Variants in PKD1 observed in about 807,000 individuals in gnomAD.
PKD1 encodes polycystin-1.
In PKD1, 81 loss-of-function variants were observed where a neutral mutation model predicts 361.7. That is an observed-to-expected ratio of 0.22 (90% CI 0.19 to 0.27). The LOEUF is 0.27. PKD1 is among the 10% of genes least tolerant of loss of function. The probability of loss-of-function intolerance (pLI) is 1.00; values close to 1 mark genes in which losing one functional copy is unlikely to be tolerated. For synonymous variants in PKD1, 3,615 were observed against 2,818.3 expected (o/e 1.28, Z -8.95); for missense variants, 6,399 against 6,118.3 (o/e 1.05, Z -1.53).
intron 30 of PKD1, chr16:2,099,393 G>A: frequency 3.6e-6 from 2 of 553,780 alleles, no homozygotes; most frequent in Non-Finnish European, 3.3e-6. Context: ...TATCTGGCGT[G>A]CTGCTGTGCA....
Position 2,090,660 on chromosome 16 carries a change from G to A in PKD1, c.12138+14C>T, listed in dbSNP as rs374150637. 111 of 1,611,396 alleles carry A rather than the reference G, an allele frequency of 6.9e-5. No individual in the cohort carries two copies. Among genetic ancestry groups the A allele is most frequent in the Non-Finnish European group, 8.9e-5 (105 of 1,179,836 alleles). ...CTGAGCTAAGACGCCCTCCCCGGCC[G>A]CGCAGTCACCTACCAGGATGGCCAG... On this transcript the variant is annotated intron_variant, in intron 44 of 45. Transcript: ENST00000262304.
Position 2,111,762 on chromosome 16 carries a change from G to C in PKD1, c.3405C>G (p.Asp1135Glu), listed in dbSNP as rs746080117. 6.2e-7 allele frequency: 1 copy of C among 1,605,446 alleles called. No individual in the cohort carries two copies. Residue 1135 changes from aspartate to glutamate, a missense_variant, in exon 15 of 46, where the codon GAC becomes GAG. By Grantham distance (45) the Asp-to-Glu change is conservative (BLOSUM62 2). Coordinates refer to ENST00000262304, the MANE Select transcript of PKD1 (RefSeq NM_001009944.3). ...SLPSVAVGVS[D>E]GVLVAGRPVT... ...CGGGCCGGCCGGCCACCAGGACGCC[G>C]TCACTCACACCCACAGCCACGGAGG...
At chr16:2,117,413 T>A in intron 6 of PKD1, 76 bp downstream of exon 6, 1 of 1,164,328 alleles carries the variant, frequency 8.6e-7, no homozygotes, top group Non-Finnish European at 1.2e-6. Flanking sequence ...CTCCTGAGAC[T>A]CCCCAGCCGC....
chr16:2,124,553 G>A (rs1484427368), intron 1 of PKD1, among the ~76,000 whole-genome samples: 4 of 152,194 alleles, frequency 2.6e-5, no homozygotes, highest in African/African-American at 7.2e-5. Context: ...GGCAGCTCCC[G>A]GGGCCCTCCC....
chr16:2,092,888 G>C (rs1349224049), intron 38 of PKD1, 66 bp downstream of exon 38: 2 of 1,582,522 alleles, frequency 1.3e-6, no homozygotes, highest in South Asian at 2.2e-5. Context: ...ATGTCCCCTA[G>C]GGTCTGGCTG....
At chr16:2,094,322 C>A (rs1383518101) in intron 34 of PKD1, 112 bp from the exon 35 acceptor site, 3 of 738,120 alleles carry the variant, frequency 4.1e-6, no homozygotes, top group Non-Finnish European at 2.4e-6. Context: ...CACAGGGTCC[C>A]CCCGACAAAA....
At chr16:2,119,495 C>T in intron 1 of PKD1, 117 bp from the exon 2 acceptor site, 1 of 704,680 alleles carries the variant, frequency 1.4e-6, no homozygotes, top group Non-Finnish European at 2.6e-6. Context: ...CCCTTGAGCT[C>T]CCCACTCCCA....
At position 2,091,784 on chromosome 16, in the gene PKD1, T is replaced by C. The variant is rs765112219; in HGVS notation, c.11534A>G (p.Asn3845Ser). 4.3e-6 allele frequency: 7 copies of C among 1,610,550 alleles called. No individual in the cohort carries two copies. The highest frequency in any genetic ancestry group is 5.9e-6 in the Non-Finnish European group (7 of 1,179,412). Residue 3845 changes from asparagine (N) to serine (S), a missense_variant, in exon 41 of 46, where the codon AAC (asparagine) becomes AGC (serine). Physicochemically the swap from Asn to Ser is conservative, Grantham distance 46. Coordinates refer to ENST00000262304, the MANE Select transcript of PKD1 (RefSeq NM_001009944.3). ...GGGCAGGGGAGGGAGCTCCCACCTG[T>C]TGTCCAGCCAGTTGTGCAGCTGCAG... is the stretch of plus-strand genomic sequence containing the variant. Reference protein sequence around the residue: ...RFLQLHNWLDNRSRAVFLELT... With the variant: ...RFLQLHNWLDSRSRAVFLELT...
chr16:2,135,820 T>G lies in PKD1; in HGVS notation c.-131A>C. 1 of 353,736 alleles carries G rather than the reference T, an allele frequency of 2.8e-6. No individual in the cohort carries two copies. The highest frequency in any genetic ancestry group is 3.9e-6 in the Non-Finnish European group (1 of 254,662). The allele number at this position is 353,736 out of a possible 1,614,324, so 21.9% of individuals were successfully genotyped here. A position where few individuals can be genotyped will look rare whatever the true frequency, so the allele number is the denominator to read the frequency against. ...TGGGGCTGCGGCCGCGACCTGCTGC[T>G]GAGCGACGCCCGCTCGGGGCTCGGG... On this transcript the variant is annotated 5_prime_UTR_variant, in exon 1 of 46. Transcript: ENST00000262304.
chr16:2,116,865 G>A lies in PKD1; in HGVS notation c.1574C>T (p.Pro525Leu), dbSNP rs756501602. ...CTGCAGCTCGCAGACGTAGCTGTGC[G>A]GCGCTGAGCACAGGTCGGTGTTACA... ...GWCNTDLCSA[P>L]HSYVCELQPG... The change falls in exon 7 of 46, where the codon CCG becomes CTG. Residue 525 changes from proline to leucine, a missense_variant. Pro to Leu is a moderately conservative substitution (Grantham distance 98, BLOSUM62 -3). Coordinates refer to ENST00000262304, the MANE Select transcript of PKD1 (RefSeq NM_001009944.3). The A allele has an allele frequency of 7.8e-6, 12 of 1,530,710 alleles. No individual in the cohort carries two copies. Among genetic ancestry groups the A allele is most frequent in the Non-Finnish European group, 1.1e-5 (12 of 1,142,686 alleles). The allele number at this position is 1,530,710 out of a possible 1,614,324, so 94.8% of individuals were successfully genotyped here. A position where few individuals can be genotyped will look rare whatever the true frequency, so the allele number is the denominator to read the frequency against.
intron 1 of PKD1, among the ~76,000 whole-genome samples, chr16:2,132,802 CT>C (rs948530964): frequency 6.6e-6 from 1 of 150,392 alleles, no homozygotes; most frequent in African/African-American, 2.5e-5. Context: ...TGGGTCAGGG[CT>C]GGGCGTGGTG....
In PKD1 at chr16:2,102,285, A is replaced by T. The variant is rs1336370629; in HGVS notation, c.9202-29T>A. 4.8e-6 allele frequency: 7 copies of T among 1,466,520 alleles called. No individual in the cohort carries two copies. In the South Asian group the frequency reaches 8.3e-5, roughly 17 times the overall value. The allele number at this position is 1,466,520 out of a possible 1,614,324, so 90.8% of individuals were successfully genotyped here. A position where few individuals can be genotyped will look rare whatever the true frequency, so the allele number is the denominator to read the frequency against. On this transcript the variant is annotated intron_variant, in intron 25 of 45. Coordinates refer to ENST00000262304, the MANE Select transcript of PKD1 (RefSeq NM_001009944.3). ...TGAGGACACAGCCGCCGGGCCCAGG[A>T]GGTCACGTGCAAGCTGTGCCTTCTC...
At chr16:2,121,738 C>T (rs2092724466) in intron 1 of PKD1, among the ~76,000 whole-genome samples, 1 of 11,936 alleles carries the variant, frequency 8.4e-5, no homozygotes, top group African/African-American at 8.3e-4. Flanking sequence ...CCCAGTAGTG[C>T]TCCTGGCACA....
rs749870473 is a variant in PKD1, at chr16:2,114,535, C to A, written c.2488G>T (p.Ala830Ser). The change falls in exon 11 of 46, where the codon GCC becomes TCC. Residue 830 changes from alanine (A) to serine (S), a missense_variant. Physicochemically the swap from Ala to Ser is moderately conservative, Grantham distance 99. Coordinates refer to ENST00000262304, the MANE Select transcript of PKD1 (RefSeq NM_001009944.3). ...ACGTAGAGGCGGCCGTCGCGGGGGG[C>A]AGGGTAGATGACCCGCAGCCCAGCC... The part of the protein sequence containing the change: ...PVAGLRVIYP[A>S]PRDGRLYVPT... 11 of 1,594,208 alleles carry A rather than the reference C, an allele frequency of 6.9e-6. No individual in the cohort carries two copies. The African/African-American group carries it at 1.1e-4, about 15-fold the overall frequency.
rs372759889 is a variant in PKD1 at position 2,104,559 on chromosome 16, T to C, written c.8100A>G (p.Ala2700=). Residue 2700 remains alanine (A), a synonymous_variant, in exon 22 of 46, where the codon GCA becomes GCG. Transcript: ENST00000262304. ...GCGTCACGGTGCCCGCGGTGGTCTC[T>C]GCCTGCAGGATGAGCATCATGGCCT... The part of the protein sequence containing the change: ...KLEAMMLILQ[A]ETTAGTVTPT... 326 of 1,598,996 alleles carry C rather than the reference T, an allele frequency of 2.0e-4. No individual in the cohort carries two copies. The highest frequency in any genetic ancestry group is 2.6e-4 in the Non-Finnish European group (307 of 1,175,052).
chr16:2,095,053 T>A (rs2091786509), intron 34 of PKD1: 1 of 152,194 alleles, frequency 6.6e-6, no homozygotes, highest in Non-Finnish European at 1.5e-5. Context: ...GGCAGGAGGA[T>A]CACTTGAGCT....
At chr16:2,135,324 G>C (rs1036701013) in intron 1 of PKD1, 151 bp downstream of exon 1, 1 of 1,078,632 alleles carries the variant, frequency 9.3e-7, no homozygotes, top group Non-Finnish European at 1.1e-6. Context: ...GGCTCCAGGC[G>C]TTCCTTATTT....
chr16:2,090,257 C>A (rs767127173), intron 45 of PKD1, 28 bp downstream of exon 45: 5 of 1,608,666 alleles, frequency 3.1e-6, no homozygotes, highest in Non-Finnish European at 4.2e-6. Context: ...AGGGCGTGTC[C>A]CTCTCCCCCC....
Position 2,110,612 on chromosome 16 carries a change from T to C in PKD1, c.4555A>G (p.Ser1519Gly). ...ACCCTAACGGTGAAGTCACCTGTGC[T>C]GTTGTAAGCGTGGGTGACCTCCGGA... ...EGPEVTHAYN[S>G]TGDFTVRVAG... Residue 1519 changes from serine to glycine, a missense_variant, in exon 15 of 46, where the codon AGC becomes GGC. Ser to Gly is a moderately conservative substitution (Grantham distance 56). Coordinates refer to ENST00000262304, the MANE Select transcript of PKD1 (RefSeq NM_001009944.3). The C allele has an allele frequency of 5.0e-6, 8 of 1,610,378 alleles. No individual in the cohort carries two copies. Among genetic ancestry groups the C allele is most frequent in the South Asian group, 1.1e-5 (1 of 90,984 alleles).
Sources: gnomAD v4.1 joint callset for allele counts (sites outside exome capture counted in the v4.1 genomes callset) on GRCh38, gnomAD v4.1.1 for gene constraint, MANE v1.5 for transcripts, NCBI Gene and HGNC (gene_info 2026-07-23, HGNC 2026-07-21) for gene names.